The following FAM110B variants were observed in gnomAD, a reference collection of about 807,000 sequenced individuals.
The protein encoded by FAM110B is family with sequence similarity 110 member B.
Under a neutral mutation model 20.4 loss-of-function variants are expected in FAM110B, and 6 were observed. The ratio of observed to expected loss-of-function variants is 0.29; its 90% CI spans 0.16 to 0.58. FAM110B has a LOEUF of 0.58. Among genes scored for constraint, FAM110B ranks in the 20% least tolerant of loss-of-function variants. The pLI is 0.90. For missense variants in FAM110B, 434 were observed against 498.2 expected (o/e 0.87, Z 1.23); for synonymous variants, 226 against 214.1 (o/e 1.06, Z -0.49).
chr8:58,104,280 T>C lies in FAM110B; in HGVS notation c.-325+28657T>C, dbSNP rs1341847024. On this transcript the variant is annotated intron_variant, in intron 3 of 3. Transcript: ENST00000519262. ...TTTCAACCTCATCTGCAGCCAATTT[T>C]AAGGAAATCTAATAAAGAGGTTTGC... Among the ~76,000 whole-genome samples the C allele has an allele frequency of 2.6e-5, 4 of 152,218 alleles. No homozygotes were observed. In the East Asian group the frequency reaches 7.7e-4, roughly 29 times the overall value.
intron 3 of FAM110B, among the ~76,000 whole-genome samples, chr8:58,126,681 A>G (rs781032255): frequency 1.2e-4 from 19 of 152,162 alleles, no homozygotes; most frequent in Non-Finnish European, 2.8e-4. Flanking sequence ...ATCTTTTCAT[A>G]TGTCTATTTG....
intron 1 of FAM110B, among the ~76,000 whole-genome samples, chr8:58,010,973 G>C (rs767753701): frequency 4.6e-5 from 7 of 152,178 alleles, no homozygotes; most frequent in Non-Finnish European, 7.3e-5. Context: ...CCAAGGACTA[G>C]AGTGGCCTTC....
chr8:58,087,034 T>C (rs1014985474), intron 3 of FAM110B, among the ~76,000 whole-genome samples: 1 of 152,260 alleles, frequency 6.6e-6, no homozygotes. Context: ...GTTGCAGATC[T>C]GTGCCTCTAA....
intron 3 of FAM110B, chr8:58,113,709 T>TA (rs2150621358): frequency 6.6e-6 from 1 of 152,328 alleles, no homozygotes; most frequent in South Asian, 2.1e-4. Flanking sequence ...GGTTTCAACA[T>TA]ACAAATTTGG....
chr8:58,016,590 C>G (rs944958388), intron 1 of FAM110B, among the ~76,000 whole-genome samples: 3 of 152,228 alleles, frequency 2.0e-5, no homozygotes, highest in African/African-American at 7.2e-5. Context: ...AGCCAAGAAC[C>G]TGAAGGAAGA....
chr8:58,073,837 G>A (rs140555676), intron 2 of FAM110B, among the ~76,000 whole-genome samples: 1 of 152,188 alleles, frequency 6.6e-6, no homozygotes, highest in Non-Finnish European at 1.5e-5. Flanking sequence ...CACCTTGAAG[G>A]CATCTGCTTT....
At chr8:58,062,256 C>T (rs1805671692) in intron 2 of FAM110B, among the ~76,000 whole-genome samples, 1 of 152,074 alleles carries the variant, frequency 6.6e-6, no homozygotes, top group Non-Finnish European at 1.5e-5. Flanking sequence ...AATCTAGATA[C>T]AGAAAAATCA....
chr8:58,107,409 C>G (rs567733427), intron 3 of FAM110B, among the ~76,000 whole-genome samples: 130 of 152,222 alleles, frequency 8.5e-4, no homozygotes, highest in African/African-American at 3.1e-3. Flanking sequence ...ACAGCCAACC[C>G]ACTGCATTAT....
At chr8:58,114,755 A>G (rs1327672967) in intron 3 of FAM110B, among the ~76,000 whole-genome samples, 1 of 152,222 alleles carries the variant, frequency 6.6e-6, no homozygotes, top group African/African-American at 2.4e-5. Context: ...TTTAATCCTG[A>G]CTTAATAATC....
chr8:58,001,707 G>T (rs1804300453), intron 1 of FAM110B, among the ~76,000 whole-genome samples: 1 of 152,034 alleles, frequency 6.6e-6, no homozygotes, highest in South Asian at 2.1e-4. Context: ...AAGCATACCG[G>T]CATATTAGCA....
At chr8:58,107,189 A>C (rs1197039521) in intron 3 of FAM110B, among the ~76,000 whole-genome samples, 2 of 152,226 alleles carry the variant, frequency 1.3e-5, no homozygotes, top group African/African-American at 4.8e-5. Context: ...GTTAAAGGCA[A>C]TTTATGTAGT....
chr8:58,026,926 C>T (rs570524843), intron 1 of FAM110B, among the ~76,000 whole-genome samples: 7 of 152,294 alleles, frequency 4.6e-5, no homozygotes, highest in East Asian at 1.9e-4. Flanking sequence ...CAAAGTTTAT[C>T]TCCAACTCTG....
intron 3 of FAM110B, among the ~76,000 whole-genome samples, chr8:58,101,277 A>G (rs1209690422): frequency 2.6e-5 from 4 of 152,204 alleles, no homozygotes; most frequent in Non-Finnish European, 5.9e-5. Flanking sequence ...GTTTGGATCA[A>G]AATATAGTAC....
At chr8:58,122,039 G>A (rs1367239572) in intron 3 of FAM110B, among the ~76,000 whole-genome samples, 1 of 152,156 alleles carries the variant, frequency 6.6e-6, no homozygotes, top group African/African-American at 2.4e-5. Flanking sequence ...GGCCTGGAAA[G>A]TATATTTTTA....
At chr8:58,112,162 C>A (rs373235837) in intron 3 of FAM110B, among the ~76,000 whole-genome samples, 1 of 151,944 alleles carries the variant, frequency 6.6e-6, no homozygotes, top group Non-Finnish European at 1.5e-5. Context: ...CCTGTCTGTA[C>A]TAAAAAAAAT....
In FAM110B at chr8:58,108,770, G is replaced by A. The variant is rs568652741; in HGVS notation, c.-325+33147G>A. Among the ~76,000 whole-genome samples the A allele has an allele frequency of 5.0e-3, 764 of 152,338 alleles. 7 individuals carry two copies. Among genetic ancestry groups the A allele is most frequent in the African/African-American group, 0.017 (694 of 41,570 alleles). On this transcript the variant is annotated intron_variant, in intron 3 of 3. Transcript: ENST00000519262. ...CCTTCTGCTCAGAGGGCCTGTCCCG[G>A]TCTCCCACTTTTCCATGTTGTGAAC...
chr8:58,067,016 C>G (rs1805782750), intron 2 of FAM110B, among the ~76,000 whole-genome samples: 1 of 152,218 alleles, frequency 6.6e-6, no homozygotes, highest in African/African-American at 2.4e-5. Flanking sequence ...TGACCAGCAA[C>G]TGAAACTGAG....
intron 3 of FAM110B, among the ~76,000 whole-genome samples, chr8:58,108,645 G>T (rs1286512095): frequency 2.6e-5 from 4 of 152,224 alleles, no homozygotes; most frequent in African/African-American, 9.6e-5. Context: ...AGCACAGCCT[G>T]CTCCATGACC....
chr8:58,105,585 T>G (rs1806888289), intron 3 of FAM110B, among the ~76,000 whole-genome samples: 3 of 125,874 alleles, frequency 2.4e-5, no homozygotes, highest in African/African-American at 3.5e-5. Context: ...TTTTTTTTTT[T>G]TGTGACAGAG....
Sources: gnomAD v4.1 joint callset for allele counts (sites outside exome capture counted in the v4.1 genomes callset) on GRCh38, gnomAD v4.1.1 for gene constraint, MANE v1.5 for transcripts, NCBI Gene and HGNC (gene_info 2026-07-23, HGNC 2026-07-21) for gene names.